Variants in ERBB4 observed in about 807,000 individuals in gnomAD.
The protein encoded by ERBB4 is receptor tyrosine-protein kinase erbB-4.
Under a neutral mutation model 158.0 loss-of-function variants are expected in ERBB4, and 42 were observed. The observed-to-expected ratio is 0.27, with a 90% CI of 0.21 to 0.34. The LOEUF is 0.34. Ranked by LOEUF, ERBB4 falls within the 10% of genes least tolerant of loss-of-function variation. The probability of loss-of-function intolerance (pLI) is 1.00; values close to 1 mark genes in which losing one functional copy is unlikely to be tolerated. For synonymous variants in ERBB4, 583 were observed against 558.7 expected, an observed-to-expected ratio of 1.04 and a Z score of -0.61; for missense variants, 1,333 against 1,624.1, an observed-to-expected ratio of 0.82 and a Z score of 3.08.
intron 1 of ERBB4, among the ~76,000 whole-genome samples, chr2:212,206,966 G>A (rs1320420207): frequency 2.7e-5 from 4 of 148,830 alleles, no homozygotes; most frequent in East Asian, 1.9e-4. Context: ...TTTATGGACT[G>A]CAATTAACCA....
chr2:211,747,515 G>A (rs1317030550), intron 5 of ERBB4, among the ~76,000 whole-genome samples: 1 of 152,108 alleles, frequency 6.6e-6, no homozygotes, highest in Non-Finnish European at 1.5e-5. Context: ...TTCGGAGAAG[G>A]CCACGTGTCT....
intron 3 of ERBB4, among the ~76,000 whole-genome samples, chr2:211,858,069 C>T (rs1381358754): frequency 6.6e-6 from 1 of 152,188 alleles, no homozygotes; most frequent in East Asian, 1.9e-4. Flanking sequence ...TTTATTTACT[C>T]ATAGACAAAG....
intron 2 of ERBB4, among the ~76,000 whole-genome samples, chr2:211,964,419 G>A (rs925116275): frequency 2.6e-5 from 4 of 152,186 alleles, no homozygotes; most frequent in Middle Eastern, 3.4e-3. Flanking sequence ...TCGGAATTAC[G>A]TTAAACTAGA....
intron 4 of ERBB4, among the ~76,000 whole-genome samples, chr2:211,774,604 G>C (rs939752617): frequency 6.6e-6 from 1 of 152,122 alleles, no homozygotes; most frequent in Non-Finnish European, 1.5e-5. Flanking sequence ...ACTTTTGAAC[G>C]GTTAGGATAT....
intron 20 of ERBB4, among the ~76,000 whole-genome samples, chr2:211,466,352 A>ATT (rs2064689471): frequency 2.3e-4 from 23 of 99,166 alleles, no homozygotes; most frequent in African/African-American, 9.1e-4. Context: ...TTTTTTTTAA[A>ATT]AAAAAAAAAA....
chr2:211,774,518 G>T (rs2075824128), intron 4 of ERBB4, among the ~76,000 whole-genome samples: 2 of 152,162 alleles, frequency 1.3e-5, no homozygotes, highest in Non-Finnish European at 1.5e-5. Flanking sequence ...AATTTCACTG[G>T]TTAAAAGTAA....
chr2:212,122,468 A>G lies in ERBB4; in HGVS notation c.234+2284T>C, dbSNP rs546511271. 2.5e-3 allele frequency among the ~76,000 whole-genome samples: 382 copies of G among 152,276 alleles called. 1 individual carries two copies. Among genetic ancestry groups the G allele is most frequent in the African/African-American group, 8.2e-3 (340 of 41,582 alleles). On this transcript the variant is annotated intron_variant, in intron 2 of 27. Coordinates refer to ENST00000342788, the MANE Select transcript of ERBB4 (RefSeq NM_005235.3). ...TACATATATTAAAATAAAGATATGC[A>G]CATGGATTAGTACAAAGTTTAGATG...
intron 1 of ERBB4, among the ~76,000 whole-genome samples, chr2:212,461,025 A>G (rs914968715): frequency 6.6e-6 from 1 of 152,144 alleles, no homozygotes; most frequent in Admixed American, 6.6e-5. Flanking sequence ...ATTTCAGAAG[A>G]TGTATGGAAA....
At chr2:212,151,441 C>T (rs1024670291) in intron 1 of ERBB4, among the ~76,000 whole-genome samples, 2 of 151,388 alleles carry the variant, frequency 1.3e-5, no homozygotes, top group Non-Finnish European at 2.9e-5. Context: ...CTAATAGGTA[C>T]AAAAATACCT....
At chr2:211,535,208 A>G (rs1175438924) in intron 20 of ERBB4, among the ~76,000 whole-genome samples, 1 of 152,036 alleles carries the variant, frequency 6.6e-6, no homozygotes, top group Non-Finnish European at 1.5e-5. Context: ...AAAAAATGAA[A>G]TTTATTCTAA....
At chr2:211,867,024 CAAAAAAA>C (rs386392490) in intron 3 of ERBB4, among the ~76,000 whole-genome samples, 2 of 60,624 alleles carry the variant, frequency 3.3e-5, no homozygotes, top group Non-Finnish European at 5.7e-5. Flanking sequence ...TCCTTAAAAC[CAAAAAAA>C]AAAAAAAAAA....
intron 21 of ERBB4, among the ~76,000 whole-genome samples, chr2:211,430,382 G>T (rs916963219): frequency 3.9e-5 from 6 of 152,080 alleles, no homozygotes; most frequent in African/African-American, 1.4e-4. Context: ...CAAGACATGG[G>T]ACTAAGGCAT....
chr2:211,579,584 G>A (rs1485568592), intron 19 of ERBB4, among the ~76,000 whole-genome samples: 2 of 152,106 alleles, frequency 1.3e-5, no homozygotes, highest in Non-Finnish European at 2.9e-5. Context: ...TAAAGAAAAT[G>A]TGATACATAT....
At chr2:211,633,258 A>G (rs2070215308) in intron 16 of ERBB4, among the ~76,000 whole-genome samples, 1 of 152,122 alleles carries the variant, frequency 6.6e-6, no homozygotes, top group Non-Finnish European at 1.5e-5. Context: ...TATATAGTAG[A>G]TGAGAAGATA....
At chr2:212,210,997 C>G (rs972037378) in intron 1 of ERBB4, among the ~76,000 whole-genome samples, 2 of 152,056 alleles carry the variant, frequency 1.3e-5, no homozygotes, top group African/African-American at 4.8e-5. Flanking sequence ...TCCTTATGCA[C>G]TCCTTGTATA....
intron 18 of ERBB4, among the ~76,000 whole-genome samples, chr2:211,621,823 C>T (rs1353906284): frequency 6.6e-6 from 1 of 152,036 alleles, no homozygotes; most frequent in African/African-American, 2.4e-5. Flanking sequence ...AATTTGCCTA[C>T]TTGCTTTAAA....
chr2:211,861,138 A>T (rs865850918), intron 3 of ERBB4, among the ~76,000 whole-genome samples: 25 of 28,344 alleles, frequency 8.8e-4, no homozygotes, highest in East Asian at 1.2e-3. Context: ...ATATATATAT[A>T]TATATATATA....
At chr2:211,888,581 G>A (rs563267933) in intron 3 of ERBB4, among the ~76,000 whole-genome samples, 2 of 152,306 alleles carry the variant, frequency 1.3e-5, no homozygotes, top group East Asian at 1.9e-4. Context: ...CCGGTCTACA[G>A]CTCCCAGCGT....
intron 20 of ERBB4, among the ~76,000 whole-genome samples, chr2:211,522,840 A>T (rs2125642004): frequency 6.6e-6 from 1 of 152,184 alleles, no homozygotes; most frequent in South Asian, 2.1e-4. Context: ...ATTAGACTAC[A>T]GTGTAGTATA....
Sources: allele counts gnomAD v4.1 joint callset (sites outside exome capture counted in the v4.1 genomes callset), GRCh38; gene constraint gnomAD v4.1.1; transcripts MANE v1.5; gene names NCBI Gene and HGNC (gene_info 2026-07-23, HGNC 2026-07-21).